Variants in PHKB observed in about 807,000 individuals in gnomAD.
PHKB encodes phosphorylase kinase regulatory subunit beta.
PHKB carries 122 observed loss-of-function variants against 152.1 expected under a neutral mutation model. The observed-to-expected ratio is 0.80, with a 90% CI of 0.69 to 0.93. PHKB has a LOEUF of 0.93. Among genes scored for constraint, PHKB ranks in the 40% least tolerant of loss-of-function variants. The pLI is 0.00. For synonymous variants in PHKB, 436 were observed against 464.9 expected, an observed-to-expected ratio of 0.94 and a Z score of 0.80; for missense variants, 1,304 against 1,328.4, an observed-to-expected ratio of 0.98 and a Z score of 0.29.
chr16:47,514,940 C>A (rs991552741), intron 5 of PHKB, among the ~76,000 whole-genome samples: 21 of 152,180 alleles, frequency 1.4e-4, no homozygotes, highest in African/African-American at 4.3e-4. Context: ...TTATATTATA[C>A]CATTAACATT....
intron 13 of PHKB, among the ~76,000 whole-genome samples, chr16:47,597,096 A>G (rs528575225): frequency 4.6e-5 from 7 of 152,186 alleles, no homozygotes; most frequent in Non-Finnish European, 8.8e-5. Flanking sequence ...TAAACACAGA[A>G]AAAGCATTAT....
At position 47,581,672 on chromosome 16, in the gene PHKB, A is replaced by T. The variant is rs371677028; in HGVS notation, c.774+1314A>T. 9.1e-4 allele frequency among the ~76,000 whole-genome samples: 138 copies of T among 152,136 alleles called. 2 individuals carry two copies. The South Asian group carries it at 0.028, about 31-fold the overall frequency. On this transcript the variant is annotated intron_variant, in intron 8 of 30. Coordinates refer to ENST00000323584, the MANE Select transcript of PHKB (RefSeq NM_000293.3). ...TTAATAAATGCCATCTCTTGTTGCT[A>T]TTGTTTTTTTTATTTTTGTTTTTTG...
chr16:47,600,917 G>A (rs982747070), intron 13 of PHKB, among the ~76,000 whole-genome samples: 3 of 152,228 alleles, frequency 2.0e-5, no homozygotes, highest in African/African-American at 7.2e-5. Flanking sequence ...GCTGAGGCAG[G>A]CAGATGGCTT....
intron 14 of PHKB, among the ~76,000 whole-genome samples, chr16:47,626,197 C>T (rs1486404837): frequency 6.6e-6 from 1 of 152,162 alleles, no homozygotes; most frequent in Non-Finnish European, 1.5e-5. Flanking sequence ...GGAGTATCTC[C>T]TCTGCAGTTG....
chr16:47,569,580 C>T (rs1381589091), intron 7 of PHKB, among the ~76,000 whole-genome samples: 2 of 152,156 alleles, frequency 1.3e-5, no homozygotes, highest in East Asian at 3.8e-4. Context: ...GTTTTCTTTA[C>T]TGTGTTATTG....
Position 47,518,974 on chromosome 16 carries a change from C to A in PHKB, c.594+3373C>A, listed in dbSNP as rs150439055. ...TTAGAAGTGGGTCCAGAGAAACTTACTTCATTTAAAGTCAAAGTACCCCCT... is the reference window on the plus strand; with the variant it reads ...TTAGAAGTGGGTCCAGAGAAACTTAATTCATTTAAAGTCAAAGTACCCCCT... On this transcript the variant is annotated intron_variant, in intron 6 of 30. Transcript: ENST00000323584. 5.1e-3 allele frequency among the ~76,000 whole-genome samples: 771 copies of A among 152,184 alleles called. 2 individuals carry two copies. The highest frequency in any genetic ancestry group is 7.5e-3 in the Non-Finnish European group (512 of 68,002).
At chr16:47,475,592 T>C (rs919701320) in intron 1 of PHKB, among the ~76,000 whole-genome samples, 2 of 152,194 alleles carry the variant, frequency 1.3e-5, no homozygotes, top group Non-Finnish European at 2.9e-5. Flanking sequence ...CTAGAGAAAA[T>C]ACACTGTGCA....
intron 25 of PHKB, chr16:47,665,352 C>T (rs987090611): frequency 2.5e-5 from 6 of 240,000 alleles, no homozygotes; most frequent in Non-Finnish European, 4.1e-5. Flanking sequence ...AATCTGTTCT[C>T]CCTAGGTTCT....
intron 25 of PHKB, chr16:47,666,112 A>G (rs1973534469): frequency 2.1e-6 from 2 of 961,516 alleles, no homozygotes; most frequent in Admixed American, 1.9e-5. Context: ...TAAGTCTGGC[A>G]AACCTCAATG....
rs777073939 is a variant in PHKB, at chr16:47,580,303, G to C, written c.719G>C (p.Gly240Ala). The C allele has an allele frequency of 7.4e-6, 12 of 1,612,340 alleles. No individual in the cohort carries two copies. The East Asian group carries it at 2.7e-4, about 36-fold the overall frequency. Residue 240 changes from glycine (G) to alanine (A), a missense_variant, in exon 8 of 31, where the codon GGT becomes GCT. By Grantham distance (60) the Gly-to-Ala change is moderately conservative (BLOSUM62 0). Coordinates refer to ENST00000323584, the MANE Select transcript of PHKB (RefSeq NM_000293.3). ...GSTELHSSSVGLAKAALEAIN... is the reference protein window; with the variant it reads ...GSTELHSSSVALAKAALEAIN... ...TTCCTTTTCTCTTTTAGCTCGGTTG[G>C]TTTAGCAAAAGCAGCTCTAGAAGCA... is the stretch of plus-strand genomic sequence containing the variant.
intron 1 of PHKB, among the ~76,000 whole-genome samples, chr16:47,475,036 G>A (rs1969845233): frequency 6.6e-6 from 1 of 152,080 alleles, no homozygotes; most frequent in Non-Finnish European, 1.5e-5. Context: ...TTTCTTTCAT[G>A]GGGTTTTCTG....
intron 26 of PHKB, among the ~76,000 whole-genome samples, chr16:47,682,489 T>C (rs537770359): frequency 1.1e-3 from 165 of 152,322 alleles, no homozygotes; most frequent in African/African-American, 3.9e-3. Context: ...TCTAAACTTC[T>C]CTTCTCGCTT....
intron 6 of PHKB, among the ~76,000 whole-genome samples, chr16:47,544,681 C>T (rs1050827946): frequency 1.2e-4 from 18 of 152,092 alleles, no homozygotes; most frequent in Middle Eastern, 3.4e-3. Context: ...TAATATTGAC[C>T]GTGGGGTGTT....
chr16:47,549,742 C>T (rs1307020910), intron 7 of PHKB, among the ~76,000 whole-genome samples: 2 of 151,954 alleles, frequency 1.3e-5, no homozygotes, highest in Non-Finnish European at 2.9e-5. Context: ...TCAGAAAGAA[C>T]CTTAAATAAA....
chr16:47,642,878 T>C (rs1201471614), intron 16 of PHKB, among the ~76,000 whole-genome samples: 2 of 152,044 alleles, frequency 1.3e-5, no homozygotes, highest in African/African-American at 2.4e-5. Flanking sequence ...CAGATGTACA[T>C]AATGGTACAA....
At chr16:47,472,427 G>A (rs369837596) in intron 1 of PHKB, among the ~76,000 whole-genome samples, 5 of 152,246 alleles carry the variant, frequency 3.3e-5, no homozygotes, top group African/African-American at 1.2e-4. Context: ...CAAGGCAGGC[G>A]GGCTGCTTGA....
intron 13 of PHKB, chr16:47,598,628 T>C (rs1972165047): frequency 3.7e-6 from 5 of 1,344,128 alleles, no homozygotes; most frequent in Non-Finnish European, 4.2e-6. Context: ...CAGTTTCCCA[T>C]CAACACACCA....
chr16:47,642,371 G>T (rs895077657), intron 16 of PHKB, among the ~76,000 whole-genome samples: 1 of 152,124 alleles, frequency 6.6e-6, no homozygotes, highest in Non-Finnish European at 1.5e-5. Context: ...CCTTTTGCAC[G>T]CACTGCTCTG....
intron 6 of PHKB, among the ~76,000 whole-genome samples, chr16:47,536,713 C>T (rs1279883873): frequency 6.6e-6 from 1 of 151,972 alleles, no homozygotes; most frequent in Non-Finnish European, 1.5e-5. Flanking sequence ...GTTTTGCTGA[C>T]AAATGAGTTA....
Sources: allele counts gnomAD v4.1 joint callset (sites outside exome capture counted in the v4.1 genomes callset), GRCh38; gene constraint gnomAD v4.1.1; transcripts MANE v1.5; gene names NCBI Gene and HGNC (gene_info 2026-07-23, HGNC 2026-07-21).